Variants in LSAMP observed in about 807,000 individuals in gnomAD.
The protein encoded by LSAMP is limbic system-associated membrane protein.
A neutral mutation model predicts 38.6 loss-of-function variants in LSAMP; 7 were observed. The ratio of observed to expected loss-of-function variants is 0.18; its 90% confidence interval spans 0.10 to 0.34. LSAMP has a LOEUF of 0.34. Ranked by LOEUF, LSAMP falls within the 10% of genes least tolerant of loss-of-function variation. LSAMP has a pLI of 1.00. For missense variants in LSAMP, 313 were observed against 420.0 expected, an observed-to-expected ratio of 0.75 and a Z score of 2.23; for synonymous variants, 154 against 166.8, an observed-to-expected ratio of 0.92 and a Z score of 0.59.
intron 1 of LSAMP, among the ~76,000 whole-genome samples, chr3:116,109,042 C>A (rs1052697527): frequency 2.0e-5 from 3 of 152,064 alleles, no homozygotes; most frequent in African/African-American, 7.2e-5. Flanking sequence ...AATAAGACGG[C>A]CTTTTGACCT....
At chr3:116,244,456 C>T (rs576778824) in intron 1 of LSAMP, among the ~76,000 whole-genome samples, 2 of 152,292 alleles carry the variant, frequency 1.3e-5, no homozygotes, top group African/African-American at 2.4e-5. Flanking sequence ...CCCTTCCAAA[C>T]ATTTTCTAGT....
intron 3 of LSAMP, among the ~76,000 whole-genome samples, chr3:115,919,814 G>A (rs1937341113): frequency 6.6e-6 from 1 of 152,110 alleles, no homozygotes; most frequent in African/African-American, 2.4e-5. Flanking sequence ...GTTTCACCAT[G>A]TTGGCCAGGC....
At chr3:116,417,929 T>C (rs1669879501) in intron 1 of LSAMP, among the ~76,000 whole-genome samples, 1 of 152,176 alleles carries the variant, frequency 6.6e-6, no homozygotes, top group Admixed American at 6.5e-5. Flanking sequence ...CCTTTTACAC[T>C]GCAGAGAAAA....
intron 1 of LSAMP, among the ~76,000 whole-genome samples, chr3:116,366,332 A>T (rs1472143450): frequency 6.6e-6 from 1 of 152,222 alleles, no homozygotes; most frequent in African/African-American, 2.4e-5. Context: ...TATATGAATC[A>T]ACATGTGACT....
chr3:116,348,806 C>T lies in LSAMP; in HGVS notation c.155+96071G>A, dbSNP rs146150667. Among the ~76,000 whole-genome samples, 23 of 152,192 alleles carry T rather than the reference C, an allele frequency of 1.5e-4. No individual in the cohort carries two copies. In the East Asian group the frequency reaches 4.2e-3, roughly 28 times the overall value. On this transcript the variant is annotated intron_variant, in intron 1 of 6. Transcript: ENST00000490035. ...ATCTCCTGAAGAGGATAAAGGGCAA[C>T]AAATACTTTTATTTATTATTGGTGA... is the stretch of plus-strand genomic sequence containing the variant.
At position 116,002,923 on chromosome 3, in the gene LSAMP, T is replaced by A. The variant is rs191001417; in HGVS notation, c.514+16592A>T. The stretch of plus-strand genomic sequence containing the variant: ...ACAAAATCCATCATTTCAAGACTGG[T>A]TAAGAAGAAGTGCTATAACTAAAGT... On this transcript the variant is annotated intron_variant, in intron 3 of 6. Coordinates refer to ENST00000490035, the MANE Select transcript of LSAMP (RefSeq NM_002338.5). Among the ~76,000 whole-genome samples the A allele has an allele frequency of 9.9e-5, 15 of 152,276 alleles. No individual in the cohort carries two copies. The East Asian group carries it at 2.7e-3, about 27-fold the overall frequency.
At chr3:115,864,284 G>A (rs758971101) in intron 3 of LSAMP, among the ~76,000 whole-genome samples, 1 of 152,222 alleles carries the variant, frequency 6.6e-6, no homozygotes, top group Admixed American at 6.5e-5. Context: ...TTTGATCCTT[G>A]TTACTGGCAG....
At chr3:116,042,573 G>A (rs1941199250) in intron 2 of LSAMP, among the ~76,000 whole-genome samples, 1 of 152,032 alleles carries the variant, frequency 6.6e-6, no homozygotes, top group Admixed American at 6.6e-5. Flanking sequence ...GGGATTACAG[G>A]CACATGCCAC....
At chr3:116,226,492 G>A (rs925294845) in intron 1 of LSAMP, among the ~76,000 whole-genome samples, 4 of 152,132 alleles carry the variant, frequency 2.6e-5, no homozygotes, top group Admixed American at 1.3e-4. Context: ...CTCTGTCAGC[G>A]ACACCATCCT....
At chr3:115,952,101 C>G (rs2107579344) in intron 3 of LSAMP, among the ~76,000 whole-genome samples, 1 of 152,252 alleles carries the variant, frequency 6.6e-6, no homozygotes, top group Non-Finnish European at 1.5e-5. Flanking sequence ...AAAGGGAACA[C>G]TTTTACACTG....
At chr3:116,017,847 T>C (rs1296765544) in intron 3 of LSAMP, among the ~76,000 whole-genome samples, 1 of 152,158 alleles carries the variant, frequency 6.6e-6, no homozygotes, top group Non-Finnish European at 1.5e-5. Flanking sequence ...ACAATGATTT[T>C]AGAAGGTGTC....
At chr3:116,069,414 G>A (rs1207129539) in intron 2 of LSAMP, among the ~76,000 whole-genome samples, 1 of 152,230 alleles carries the variant, frequency 6.6e-6, no homozygotes, top group East Asian at 1.9e-4. Flanking sequence ...TTATGTATGA[G>A]CAGGCTATCA....
chr3:115,856,763 T>C (rs1319692816), intron 3 of LSAMP, among the ~76,000 whole-genome samples: 1 of 152,202 alleles, frequency 6.6e-6, no homozygotes, highest in East Asian at 1.9e-4. Context: ...ACCCTGATCT[T>C]GGACTTCCCA....
At chr3:116,041,796 C>CAA (rs148805855) in intron 2 of LSAMP, among the ~76,000 whole-genome samples, 6,535 of 56,810 alleles carry the variant, frequency 0.12, 502 homozygotes, top group African/African-American at 0.27. Flanking sequence ...TGAAAGCATG[C>CAA]AAAAAAAAAC....
chr3:115,907,212 A>AT (rs1937027880), intron 3 of LSAMP, among the ~76,000 whole-genome samples: 1 of 151,868 alleles, frequency 6.6e-6, no homozygotes, highest in African/African-American at 2.4e-5. Flanking sequence ...TTTCTTCCTG[A>AT]TTTTGCCTAT....
chr3:116,055,309 A>G lies in LSAMP; in HGVS notation c.388+31015T>C, dbSNP rs7643397. ...ACACTAGGGATACCGTGATAGTAAC[A>G]TGCCACCTGAAGCCAAAAGTGGGCA... is the stretch of plus-strand genomic sequence containing the variant. On this transcript the variant is annotated intron_variant, in intron 2 of 6. Coordinates refer to ENST00000490035, the MANE Select transcript of LSAMP (RefSeq NM_002338.5). Among the ~76,000 whole-genome samples, 667 of 152,340 alleles carry G rather than the reference A, an allele frequency of 4.4e-3. 1 individual carries two copies. Among genetic ancestry groups the G allele is most frequent in the African/African-American group, 0.015 (638 of 41,580 alleles).
At chr3:116,318,279 C>A (rs1559826148) in intron 1 of LSAMP, among the ~76,000 whole-genome samples, 1 of 152,080 alleles carries the variant, frequency 6.6e-6, no homozygotes, top group Non-Finnish European at 1.5e-5. Context: ...ATTGTATGAG[C>A]CAGACATTAA....
chr3:116,072,752 G>GTTTTTTTTTTTTTT (rs36091421), intron 2 of LSAMP, among the ~76,000 whole-genome samples: 4 of 112,342 alleles, frequency 3.6e-5, no homozygotes, highest in African/African-American at 6.7e-5. Flanking sequence ...GTTGTTTGTG[G>GTTTTTTTTTTTTTT]TTTTTTTTTT....
chr3:115,810,555 A>C, intron 6 of LSAMP, 141 bp from the exon 7 acceptor site: 1 of 682,140 alleles, frequency 1.5e-6, no homozygotes, highest in South Asian at 1.7e-5. Context: ...GTGCAGCCCA[A>C]GAAGCGCTCA....
Sources: allele counts gnomAD v4.1 joint callset (sites outside exome capture counted in the v4.1 genomes callset), GRCh38; gene constraint gnomAD v4.1.1; transcripts MANE v1.5; gene names NCBI Gene and HGNC (gene_info 2026-07-23, HGNC 2026-07-21).